Variants in GPR158 observed in about 807,000 individuals in gnomAD.
The protein encoded by GPR158 is G protein-coupled receptor 158.
GPR158 carries 30 observed loss-of-function variants against 78.2 expected under a neutral mutation model. The ratio of observed to expected loss-of-function variants is 0.38; its 90% CI spans 0.29 to 0.52. The LOEUF (loss-of-function observed/expected upper bound fraction) is 0.52, where lower values mean the gene tolerates loss of function less well. Ranked by LOEUF, GPR158 falls within the 20% of genes least tolerant of loss-of-function variation. GPR158 has a pLI of 0.83. For missense variants in GPR158, 1,463 were observed against 1,523.5 expected (o/e 0.96, Z 0.66); for synonymous variants, 581 against 591.1 (o/e 0.98, Z 0.25).
At chr10:25,319,710 C>T (rs576083314) in intron 2 of GPR158, among the ~76,000 whole-genome samples, 27 of 152,154 alleles carry the variant, frequency 1.8e-4, no homozygotes, top group Non-Finnish European at 2.9e-4. Flanking sequence ...ATCACATCGG[C>T]GACATCGTTC....
intron 4 of GPR158, among the ~76,000 whole-genome samples, chr10:25,429,869 TAAG>T (rs1834875796): frequency 1.4e-5 from 2 of 140,662 alleles, no homozygotes; most frequent in Admixed American, 1.4e-4. Context: ...CTCAAAATAA[TAAG>T]AGCTATCTAT....
At chr10:25,230,887 C>T (rs1853438347) in intron 2 of GPR158, among the ~76,000 whole-genome samples, 2 of 152,160 alleles carry the variant, frequency 1.3e-5, no homozygotes, top group South Asian at 4.1e-4. Context: ...AAAGGTACCA[C>T]ATGACAATTT....
intron 1 of GPR158, among the ~76,000 whole-genome samples, chr10:25,196,074 G>T (rs1340390361): frequency 6.6e-6 from 1 of 151,446 alleles, no homozygotes. Context: ...GCCATTTAGT[G>T]GGCCCTTTTA....
chr10:25,590,507 C>T lies in GPR158; in HGVS notation c.1892+1362C>T, dbSNP rs1167474268. Among the ~76,000 whole-genome samples, 7 of 152,302 alleles carry T rather than the reference C, an allele frequency of 4.6e-5. No homozygotes were observed. In the East Asian group the frequency reaches 1.2e-3, roughly 25 times the overall value. On this transcript the variant is annotated intron_variant, in intron 8 of 10. Transcript: ENST00000376351. ...TCTTGAGCACCATAGAATGTCTCCT[C>T]CTGTTGCCAGAGCTCAAACAGCCTT...
intron 2 of GPR158, among the ~76,000 whole-genome samples, chr10:25,236,044 T>C (rs997434450): frequency 2.0e-4 from 30 of 152,126 alleles, no homozygotes; most frequent in African/African-American, 7.2e-4. Context: ...TAGCACTTTG[T>C]ATGCTTGCAG....
At chr10:25,419,117 A>G (rs1834710929) in intron 4 of GPR158, among the ~76,000 whole-genome samples, 1 of 151,930 alleles carries the variant, frequency 6.6e-6, no homozygotes, top group South Asian at 2.1e-4. Context: ...TTTTTTTATC[A>G]TCACAAACCA....
intron 2 of GPR158, among the ~76,000 whole-genome samples, chr10:25,242,297 A>T (rs945408794): frequency 5.3e-5 from 8 of 152,240 alleles, no homozygotes; most frequent in African/African-American, 1.4e-4. Flanking sequence ...AAAATTTCAA[A>T]ATCTAGATGG....
At chr10:25,258,808 C>A (rs1053119885) in intron 2 of GPR158, among the ~76,000 whole-genome samples, 1 of 152,040 alleles carries the variant, frequency 6.6e-6, no homozygotes, top group Non-Finnish European at 1.5e-5. Context: ...ATGTAACTTT[C>A]GATTCCCAAA....
At chr10:25,460,955 A>G (rs1250139730) in intron 4 of GPR158, among the ~76,000 whole-genome samples, 1 of 152,134 alleles carries the variant, frequency 6.6e-6, no homozygotes, top group Non-Finnish European at 1.5e-5. Flanking sequence ...TGATGTTACT[A>G]TTGTAATTGT....
At chr10:25,216,120 C>T (rs1564393611) in intron 1 of GPR158, among the ~76,000 whole-genome samples, 3 of 152,168 alleles carry the variant, frequency 2.0e-5, no homozygotes, top group Admixed American at 1.3e-4. Flanking sequence ...GTTCCCAAAG[C>T]CACTAGCATA....
At chr10:25,563,588 C>T (rs904573525) in intron 6 of GPR158, among the ~76,000 whole-genome samples, 7 of 152,156 alleles carry the variant, frequency 4.6e-5, no homozygotes, top group East Asian at 1.9e-4. Context: ...TTTTACTACA[C>T]GGTTTGGTTA....
In GPR158 at chr10:25,598,921, G is replaced by C. The variant is rs1352470355; in HGVS notation, c.3295G>C (p.Ala1099Pro). ...ISKTPVLPER[A>P]KEENGGQPRA... is the part of the protein sequence containing the mutation. ...CAAGACTCCAGTTCTCCCAGAGAGG[G>C]CAAAAGAGGAGAACGGAGGTCAGCC... The change falls in exon 11 of 11, where the codon GCA becomes CCA. Residue 1099 changes from alanine (A) to proline (P), a missense_variant. By Grantham distance (27) the Ala-to-Pro change is conservative (BLOSUM62 -1). Coordinates refer to ENST00000376351, the MANE Select transcript of GPR158 (RefSeq NM_020752.3). 1.2e-6 allele frequency: 2 copies of C among 1,613,974 alleles called. No individual in the cohort carries two copies. Among genetic ancestry groups the C allele is most frequent in the African/African-American group, 2.7e-5 (2 of 74,980 alleles).
At chr10:25,421,539 A>T (rs1052861747) in intron 4 of GPR158, among the ~76,000 whole-genome samples, 18 of 152,258 alleles carry the variant, frequency 1.2e-4, no homozygotes, top group East Asian at 1.9e-4. Context: ...TAATTCTAGT[A>T]GTGGCCAGCT....
chr10:25,397,741 C>T (rs2130531354), intron 3 of GPR158, among the ~76,000 whole-genome samples: 1 of 152,288 alleles, frequency 6.6e-6, no homozygotes, highest in Non-Finnish European at 1.5e-5. Context: ...CTAAGGTGGC[C>T]TCCCAGGTTC....
chr10:25,430,103 T>C (rs1834880019), intron 4 of GPR158, among the ~76,000 whole-genome samples: 1 of 151,490 alleles, frequency 6.6e-6, no homozygotes, highest in South Asian at 2.1e-4. Flanking sequence ...ATTGTATATC[T>C]AGAAAACCCC....
chr10:25,513,178 T>TTG (rs554007672), intron 5 of GPR158, among the ~76,000 whole-genome samples: 3,780 of 152,016 alleles, frequency 0.025, 176 homozygotes, highest in African/African-American at 0.085. Context: ...ATTTTTTTTT[T>TTG]TTGTTGGCAA....
intron 2 of GPR158, among the ~76,000 whole-genome samples, chr10:25,375,211 C>G (rs1354760560): frequency 6.6e-6 from 1 of 151,394 alleles, no homozygotes; most frequent in African/African-American, 2.4e-5. Context: ...ATGTCCTTTG[C>G]GTATATTCTA....
chr10:25,528,027 AAATT>A (rs1403100147), intron 5 of GPR158, among the ~76,000 whole-genome samples: 1 of 152,106 alleles, frequency 6.6e-6, no homozygotes, highest in Admixed American at 6.5e-5. Flanking sequence ...TCATATAAAT[AAATT>A]TATAATGAAA....
intron 2 of GPR158, among the ~76,000 whole-genome samples, chr10:25,291,187 A>G (rs1854431083): frequency 6.6e-6 from 1 of 152,070 alleles, no homozygotes; most frequent in Admixed American, 6.5e-5. Flanking sequence ...AAGTAACATT[A>G]ATTAAAACCA....
Sources: allele counts gnomAD v4.1 joint callset (sites outside exome capture counted in the v4.1 genomes callset), GRCh38; gene constraint gnomAD v4.1.1; transcripts MANE v1.5; gene names NCBI Gene and HGNC (gene_info 2026-07-23, HGNC 2026-07-21).